Variants in EFCAB7 observed in about 807,000 individuals in gnomAD.
EFCAB7 encodes EF-hand calcium-binding domain-containing protein 7.
In EFCAB7, 66 loss-of-function variants were observed where a neutral mutation model predicts 77.1. That is an observed-to-expected ratio of 0.86 (90% CI 0.70 to 1.05). EFCAB7 has a LOEUF of 1.05. Among genes scored for constraint, EFCAB7 ranks in the 50% least tolerant of loss-of-function variants. EFCAB7 has a pLI of 0.00. For synonymous variants in EFCAB7, 225 were observed against 243.3 expected (o/e 0.92, Z 0.70); for missense variants, 638 against 730.5 (o/e 0.87, Z 1.46).
chr1:63,559,041 C>T (rs1364432016), intron 10 of EFCAB7, among the ~76,000 whole-genome samples: 1 of 151,498 alleles, frequency 6.6e-6, no homozygotes, highest in Non-Finnish European at 1.5e-5. Context: ...AAAAAATTGG[C>T]CTGTAATCCC....
At chr1:63,551,589 T>C in intron 7 of EFCAB7, 136 bp from the exon 8 acceptor site, 1 of 393,792 alleles carries the variant, frequency 2.5e-6, no homozygotes, top group East Asian at 4.2e-5. Flanking sequence ...AGACTCCGTC[T>C]TGAAAAAAAA....
chr1:63,568,482 G>A lies in EFCAB7; in HGVS notation c.1670G>A (p.Ser557Asn), dbSNP rs1371276616. The A allele has an allele frequency of 5.0e-6, 8 of 1,597,742 alleles. No individual in the cohort carries two copies. The South Asian group carries it at 6.9e-5, about 14-fold the overall frequency. The stretch of plus-strand genomic sequence containing the variant: ...GAAAATATAATCGTGCATACTTACA[G>A]TTGTGACACCTGGATAACGTCAGTT... ...GYENIIVHTY[S>N]CDTWITSVIE... Residue 557 changes from serine (S) to asparagine (N), a missense_variant, in exon 12 of 14, where the codon AGT becomes AAT. By Grantham distance (46) the Ser-to-Asn change is conservative (BLOSUM62 1). Transcript: ENST00000371088.
intron 10 of EFCAB7, among the ~76,000 whole-genome samples, chr1:63,560,375 G>C (rs1020932100): frequency 7.2e-5 from 11 of 152,080 alleles, no homozygotes; most frequent in African/African-American, 2.7e-4. Context: ...TGTATTATAT[G>C]TCAAATATTT....
chr1:63,547,449 G>C (rs1463010910), intron 7 of EFCAB7: 1 of 152,214 alleles, frequency 6.6e-6, no homozygotes, highest in Non-Finnish European at 1.5e-5. Flanking sequence ...GAAAATCAGA[G>C]GGAAAGGGGG....
At chr1:63,557,088 A>C (rs1647040263) in intron 9 of EFCAB7, 26 bp from the exon 10 acceptor site, 1 of 1,542,338 alleles carries the variant, frequency 6.5e-7, no homozygotes, top group Non-Finnish European at 8.7e-7. Context: ...GTGACAAGAA[A>C]TAACTAGCTA....
chr1:63,553,403 C>A (rs1356581588), intron 8 of EFCAB7, among the ~76,000 whole-genome samples: 2 of 152,130 alleles, frequency 1.3e-5, no homozygotes, highest in Non-Finnish European at 2.9e-5. Flanking sequence ...TGCAGTGGTG[C>A]GATCTTGCTC....
chr1:63,568,819 G>T, intron 12 of EFCAB7: 1 of 209,486 alleles, frequency 4.8e-6, no homozygotes, highest in Non-Finnish European at 9.4e-6. Flanking sequence ...GTTTCTAAAA[G>T]TTTTTATGTA....
At chr1:63,575,053 G>A (rs1359451970), downstream of EFCAB7, among the ~76,000 whole-genome samples, 1 of 151,990 alleles carries the variant, frequency 6.6e-6, no homozygotes, top group Non-Finnish European at 1.5e-5. Flanking sequence ...TTACTATTCA[G>A]TTCTGTTTAC....
the EFCAB7 span, among the ~76,000 whole-genome samples, chr1:63,581,019 G>A: frequency 6.6e-6 from 1 of 151,962 alleles, no homozygotes; most frequent in African/African-American, 2.4e-5. Flanking sequence ...TGCAAATGGG[G>A]ACAGTTTCAT....
the EFCAB7 span, among the ~76,000 whole-genome samples, chr1:63,579,721 G>C: frequency 6.6e-6 from 1 of 152,042 alleles, no homozygotes; most frequent in Non-Finnish European, 1.5e-5. Context: ...TATTGTCTGC[G>C]TTTTTTATTT....
At chr1:63,537,036 C>G (rs1472900554) in intron 6 of EFCAB7, among the ~76,000 whole-genome samples, 1 of 152,060 alleles carries the variant, frequency 6.6e-6, no homozygotes, top group Non-Finnish European at 1.5e-5. Flanking sequence ...TGTTTTAAAC[C>G]ACAAAACCAC....
Position 63,534,156 on chromosome 1 carries a change from AGT to A in EFCAB7, c.745_746del (p.Val249TyrfsTer5). 6.2e-7 allele frequency: 1 copy of A among 1,613,410 alleles called. No individual in the cohort carries two copies. The highest frequency in any genetic ancestry group is 8.5e-7 in the Non-Finnish European group (1 of 1,179,516). ...RKFKTSVSFT[V>X]TMGANGNRNS... is the part of the protein sequence containing the mutation. ...AGTTCAAAACATCTGTTTCCTTCAC[AGT>A]TACCATGGGGGCTAATGGTAACCGA... On this transcript the variant is annotated frameshift_variant, in exon 6 of 14. Transcript: ENST00000371088. LOFTEE classifies it high-confidence loss of function.
the EFCAB7 span, among the ~76,000 whole-genome samples, chr1:63,584,755 A>G: frequency 6.6e-6 from 1 of 152,040 alleles, no homozygotes. Context: ...AACAAATAAC[A>G]TTTTCCTTTC....
Position 63,568,389 on chromosome 1 carries a change from G to A in EFCAB7, c.1577G>A (p.Gly526Glu). The A allele has an allele frequency of 6.3e-7, 1 of 1,584,382 alleles. No homozygotes were observed. ...IKAVHMEACS[G>E]QLEKAICKSV... Reference sequence around the variant, plus strand: ...GCTGTCCATATGGAGGCATGTAGTGGACAACTTGAGAAGGCCATTTGTAAA... The same window carrying A: ...GCTGTCCATATGGAGGCATGTAGTGAACAACTTGAGAAGGCCATTTGTAAA... The change falls in exon 12 of 14, where the codon GGA becomes GAA. Residue 526 changes from glycine (G) to glutamate (E), a missense_variant. Gly to Glu is a moderately conservative substitution (Grantham distance 98). Transcript: ENST00000371088.
In EFCAB7 at chr1:63,557,201, A is replaced by G; in HGVS notation, c.1302A>G (p.Arg434=). 1 of 1,610,652 alleles carries G rather than the reference A, an allele frequency of 6.2e-7. No individual in the cohort carries two copies. Among genetic ancestry groups the G allele is most frequent in the African/African-American group, 1.3e-5 (1 of 74,728 alleles). ...AAGAATATAATTTTTTTGAATTGAGAACAAGTGGTGAGAAATGTGATGAAG... is the reference window on the plus strand; with the variant it reads ...AAGAATATAATTTTTTTGAATTGAGGACAAGTGGTGAGAAATGTGATGAAG... ...SLEEYNFFEL[R]TSGEKCDEDA... The change falls in exon 10 of 14, where the codon AGA becomes AGG. Residue 434 remains arginine, a synonymous_variant. Coordinates refer to ENST00000371088, the MANE Select transcript of EFCAB7 (RefSeq NM_032437.4).
intron 7 of EFCAB7, chr1:63,550,243 G>A (rs1025282555): frequency 5.3e-5 from 8 of 152,034 alleles, no homozygotes; most frequent in Admixed American, 3.9e-4. Flanking sequence ...ACTTTAAATC[G>A]CCCCATAGTT....
chr1:63,529,206 T>G (rs1456810971), intron 2 of EFCAB7: 2 of 152,166 alleles, frequency 1.3e-5, no homozygotes, highest in Non-Finnish European at 2.9e-5. Context: ...TAAAAACATT[T>G]ATATTATCTC....
chr1:63,583,349 T>C, the EFCAB7 span, among the ~76,000 whole-genome samples: 1 of 152,222 alleles, frequency 6.6e-6, no homozygotes, highest in Non-Finnish European at 1.5e-5. Context: ...GCCAGTCTTT[T>C]GGTTGTACAA....
chr1:63,571,155 C>A (rs768477636), intron 13 of EFCAB7, 27 bp downstream of exon 13: 21 of 1,536,886 alleles, frequency 1.4e-5, no homozygotes, highest in Non-Finnish European at 1.8e-5. Context: ...TAATTAAAGC[C>A]TTTTGTTTTA....
Sources: allele counts gnomAD v4.1 joint callset (sites outside exome capture counted in the v4.1 genomes callset), GRCh38; gene constraint gnomAD v4.1.1; transcripts MANE v1.5; gene names NCBI Gene and HGNC (gene_info 2026-07-23, HGNC 2026-07-21).